The following MTR variants were observed in gnomAD, a reference collection of about 807,000 sequenced individuals.
MTR encodes methionine synthase.
Under a neutral mutation model 154.8 loss-of-function variants are expected in MTR, and 84 were observed. The ratio of observed to expected loss-of-function variants is 0.54; its 90% CI spans 0.45 to 0.65. The LOEUF (loss-of-function observed/expected upper bound fraction) is 0.65, where lower values mean the gene tolerates loss of function less well. Ranked by LOEUF, MTR falls within the 30% of genes least tolerant of loss-of-function variation. The probability of loss-of-function intolerance (pLI) is 0.00; values close to 1 mark genes in which losing one functional copy is unlikely to be tolerated. For synonymous variants in MTR, 554 were observed against 553.9 expected, an observed-to-expected ratio of 1.00 and a Z score of 0.00; for missense variants, 1,275 against 1,570.2, an observed-to-expected ratio of 0.81 and a Z score of 3.18.
In MTR at chr1:236,891,757, T is replaced by G. The variant is rs529491001; in HGVS notation, c.3204+428T>G. On this transcript the variant is annotated intron_variant, in intron 29 of 32. Transcript: ENST00000366577. ...GGGGAAGACAGGTGGAAACAAACATTTGCAGAATGTATACCAGGTGCCAGG... is the reference window on the plus strand; with the variant it reads ...GGGGAAGACAGGTGGAAACAAACATGTGCAGAATGTATACCAGGTGCCAGG... Among the ~76,000 whole-genome samples, 95 of 152,250 alleles carry G rather than the reference T, an allele frequency of 6.2e-4. 1 individual carries two copies. The highest frequency in any genetic ancestry group is 2.2e-3 in the African/African-American group (92 of 41,540).
At chr1:236,860,037 C>T (rs759552554) in intron 19 of MTR, 115 bp downstream of exon 19, 12 of 671,234 alleles carry the variant, frequency 1.8e-5, no homozygotes, top group Non-Finnish European at 2.8e-5. Context: ...TGATTCTCAA[C>T]CTGGGGAGGT....
At chr1:236,812,917 A>G in intron 6 of MTR, 73 bp downstream of exon 6, 1 of 1,118,886 alleles carries the variant, frequency 8.9e-7, no homozygotes. Flanking sequence ...TAGGGAGAAG[A>G]TAATATTAGC....
intron 1 of MTR, among the ~76,000 whole-genome samples, chr1:236,802,859 C>G (rs1406171750): frequency 1.3e-5 from 2 of 152,012 alleles, no homozygotes; most frequent in African/African-American, 2.4e-5. Context: ...GCATTGGGCC[C>G]TTTTCTGGAC....
intron 28 of MTR, among the ~76,000 whole-genome samples, chr1:236,889,910 G>A (rs767924220): frequency 2.0e-5 from 3 of 152,144 alleles, no homozygotes; most frequent in Admixed American, 6.5e-5. Flanking sequence ...CATTGGGGAG[G>A]GAATGGGGAT....
chr1:236,802,231 G>A (rs1381508152), intron 1 of MTR, among the ~76,000 whole-genome samples: 2 of 152,166 alleles, frequency 1.3e-5, no homozygotes, highest in African/African-American at 4.8e-5. Flanking sequence ...GAAATCAGGA[G>A]ATGAGACAGA....
rs1328682118 is a variant in MTR at position 236,795,426 on chromosome 1, C to G, written c.-278C>G. On this transcript the variant is annotated 5_prime_UTR_variant, in exon 1 of 33. Transcript: ENST00000366577. ...CGACTCCGCCTCTGGCCGCGCGTGTCTGGCTGCTAGGCCGACACCAAGGAC... is the reference window on the plus strand; with the variant it reads ...CGACTCCGCCTCTGGCCGCGCGTGTGTGGCTGCTAGGCCGACACCAAGGAC... 4.7e-6 allele frequency: 7 copies of G among 1,473,824 alleles called. No homozygotes were observed. Among genetic ancestry groups the G allele is most frequent in the Admixed American group, 4.1e-5 (2 of 48,894 alleles). The allele number at this position is 1,473,824 out of a possible 1,614,324, so 91.3% of individuals were successfully genotyped here. A position where few individuals can be genotyped will look rare whatever the true frequency, so the allele number is the denominator to read the frequency against.
chr1:236,845,911 C>CT (rs1663542875), intron 15 of MTR, among the ~76,000 whole-genome samples: 1 of 152,176 alleles, frequency 6.6e-6, no homozygotes, highest in South Asian at 2.1e-4. Flanking sequence ...ATTTGCTTTG[C>CT]TTGGATTGAC....
chr1:236,892,018 C>T (rs1666356441), intron 29 of MTR, among the ~76,000 whole-genome samples: 1 of 152,274 alleles, frequency 6.6e-6, no homozygotes, highest in South Asian at 2.1e-4. Flanking sequence ...TCTCATCCCC[C>T]CCACCTTTGA....
At chr1:236,804,978 T>G (rs926554473) in intron 2 of MTR, among the ~76,000 whole-genome samples, 4 of 152,138 alleles carry the variant, frequency 2.6e-5, no homozygotes, top group African/African-American at 4.8e-5. Flanking sequence ...ATATACACAG[T>G]TTTTTTGCTG....
chr1:236,822,320 T>G (rs1029914420), intron 8 of MTR, among the ~76,000 whole-genome samples: 11 of 149,562 alleles, frequency 7.4e-5, no homozygotes, highest in African/African-American at 2.7e-4. Context: ...TTGTTTTTTT[T>G]TTTTTTTGAG....
chr1:236,803,497 G>A lies in MTR; in HGVS notation c.104G>A (p.Gly35Glu), dbSNP rs2103013666. The change falls in exon 2 of 33, where the codon GGA becomes GAA. Residue 35 changes from glycine to glutamate, a missense_variant. Transcript: ENST00000366577. The part of the protein sequence containing the change: ...ILQKRIMVLD[G>E]GMGTMIQREK... Reference sequence around the variant, plus strand: ...CAGAAGAGGATTATGGTGCTGGATGGAGGGATGGGGACCATGATCCAGCGG... The same window carrying A: ...CAGAAGAGGATTATGGTGCTGGATGAAGGGATGGGGACCATGATCCAGCGG... 6.2e-7 allele frequency: 1 copy of A among 1,614,200 alleles called. No individual in the cohort carries two copies. Among genetic ancestry groups the A allele is most frequent in the Non-Finnish European group, 8.5e-7 (1 of 1,180,026 alleles).
chr1:236,858,744 GA>G (rs1042912581), intron 18 of MTR, among the ~76,000 whole-genome samples: 33 of 152,174 alleles, frequency 2.2e-4, no homozygotes, highest in African/African-American at 7.7e-4. Context: ...TTTGAGTAGT[GA>G]ATGGAGATTC....
At chr1:236,889,090 G>T (rs1191948436) in intron 27 of MTR, 91 bp from the exon 28 acceptor site, 12 of 1,491,182 alleles carry the variant, frequency 8.0e-6, no homozygotes, top group Non-Finnish European at 1.1e-5. Context: ...GCGGAGTGTG[G>T]GAGTTGGCAG....
Position 236,810,522 on chromosome 1 carries a change from AGGGGCTCT to A in MTR, c.433_440del (p.Ala145SerfsTer3). ...CCAAAGGAATTAAGAGGTTTGTGGCAGGGGCTCTGGGTCCGACTAATAAGACACTCTCT... is the reference window on the plus strand; with the variant it reads ...CCAAAGGAATTAAGAGGTTTGTGGCAGGGTCCGACTAATAAGACACTCTCT... On this transcript the variant is annotated frameshift_variant, in exon 5 of 33. Coordinates refer to ENST00000366577, the MANE Select transcript of MTR (RefSeq NM_000254.3). LOFTEE classifies it high-confidence loss of function. The A allele has an allele frequency of 6.2e-7, 1 of 1,613,784 alleles. No homozygotes were observed. Among genetic ancestry groups the A allele is most frequent in the Non-Finnish European group, 8.5e-7 (1 of 1,179,742 alleles).
chr1:236,818,322 C>T (rs2103069031), intron 8 of MTR, among the ~76,000 whole-genome samples: 1 of 137,366 alleles, frequency 7.3e-6, no homozygotes, highest in Non-Finnish European at 1.7e-5. Context: ...ATGATATAGT[C>T]TTTCCTAGCG....
At chr1:236,818,311 A>T (rs1661717311) in intron 8 of MTR, among the ~76,000 whole-genome samples, 1 of 149,982 alleles carries the variant, frequency 6.7e-6, no homozygotes, top group Non-Finnish European at 1.5e-5. Flanking sequence ...TCTTAATAAT[A>T]ATGATATAGT....
At chr1:236,849,009 C>T (rs762038364) in intron 15 of MTR, among the ~76,000 whole-genome samples, 10 of 152,122 alleles carry the variant, frequency 6.6e-5, no homozygotes, top group South Asian at 2.1e-4. Flanking sequence ...ACATTTTTCG[C>T]GTTCATTGAG....
At chr1:236,813,304 A>G (rs932823800) in intron 6 of MTR, among the ~76,000 whole-genome samples, 2 of 152,198 alleles carry the variant, frequency 1.3e-5, no homozygotes, top group Admixed American at 1.3e-4. Context: ...CCTTACATAC[A>G]TGCAAAGGCA....
chr1:236,890,797 A>G (rs1367981487), intron 28 of MTR, among the ~76,000 whole-genome samples: 2 of 152,200 alleles, frequency 1.3e-5, no homozygotes, highest in Non-Finnish European at 2.9e-5. Flanking sequence ...TGCACGAGGA[A>G]TGTCAGTGAG....
Sources: gnomAD v4.1 joint callset for allele counts (sites outside exome capture counted in the v4.1 genomes callset) on GRCh38, gnomAD v4.1.1 for gene constraint, MANE v1.5 for transcripts, NCBI Gene and HGNC (gene_info 2026-07-23, HGNC 2026-07-21) for gene names.